The following CD44 variants were observed in gnomAD, a reference collection of about 807,000 sequenced individuals.
CD44 encodes the protein CD44 antigen.
In CD44, 49 loss-of-function variants were observed where a neutral mutation model predicts 88.8. That is an observed-to-expected ratio of 0.55 (90% CI 0.44 to 0.70). The LOEUF (loss-of-function observed/expected upper bound fraction) is 0.70, where lower values mean the gene tolerates loss of function less well. CD44 is among the 30% of genes least tolerant of loss of function. The pLI is 0.00. For missense variants in CD44, 883 were observed against 913.8 expected (o/e 0.97, Z 0.43); for synonymous variants, 325 against 312.3 (o/e 1.04, Z -0.43).
chr11:35,141,789 G>A (rs545262452), intron 1 of CD44, among the ~76,000 whole-genome samples: 132 of 152,272 alleles, frequency 8.7e-4, no homozygotes, highest in Non-Finnish European at 1.2e-3. Flanking sequence ...AAAGTTGTTT[G>A]GCAGGAACTG....
rs149664499 is a variant in CD44 at position 35,227,077 on chromosome 11, A to G, written c.2025-2052A>G. Among the ~76,000 whole-genome samples the G allele has an allele frequency of 4.6e-5, 7 of 151,980 alleles. No individual in the cohort carries two copies. In the East Asian group the frequency reaches 1.4e-3, roughly 29 times the overall value. On this transcript the variant is annotated intron_variant, in intron 17 of 17. Transcript: ENST00000428726. Reference sequence around the variant, plus strand: ...CGGCTAATTTTTGTATTTTTGGTAGAGATGGGGTTTCACCATGTTGGCCAG... The same window carrying G: ...CGGCTAATTTTTGTATTTTTGGTAGGGATGGGGTTTCACCATGTTGGCCAG...
chr11:35,201,931 T>A (rs1024452478), intron 9 of CD44, 144 bp downstream of exon 9: 8 of 912,272 alleles, frequency 8.8e-6, no homozygotes, highest in Non-Finnish European at 1.1e-5. Flanking sequence ...GAAAAGCTGC[T>A]AAACCCGCAC....
rs558645722 is a variant in CD44 at position 35,158,429 on chromosome 11, A to C, written c.68-18146A>C. ...TTATGTGGCCTTAAGCAGTTTACTT[A>C]ACTTTTCTGAGCCTCAATTTTCTCT... On this transcript the variant is annotated intron_variant, in intron 1 of 17. Transcript: ENST00000428726. Among the ~76,000 whole-genome samples, 7 of 152,322 alleles carry C rather than the reference A, an allele frequency of 4.6e-5. No homozygotes were observed. The South Asian group carries it at 1.5e-3, about 32-fold the overall frequency.
At position 35,168,182 on chromosome 11, in the gene CD44, C is replaced by T. The variant is rs116757703; in HGVS notation, c.68-8393C>T. 2.8e-3 allele frequency among the ~76,000 whole-genome samples: 427 copies of T among 152,276 alleles called. 2 individuals are homozygous for T. The highest frequency in any genetic ancestry group is 9.9e-3 in the African/African-American group (411 of 41,564). ...TAAGCTCAAATTCTTCTCTCTAGGG[C>T]TCTCTTTTCATGATCACCTCTCCAC... On this transcript the variant is annotated intron_variant, in intron 1 of 17. Coordinates refer to ENST00000428726, the MANE Select transcript of CD44 (RefSeq NM_000610.4).
chr11:35,198,081 T>C (rs747065666), intron 6 of CD44, 40 bp from the exon 7 acceptor site: 1 of 1,595,720 alleles, frequency 6.3e-7, no homozygotes, highest in South Asian at 1.1e-5. Context: ...GTGGGTTGCT[T>C]GGCGTCCAGC....
intron 1 of CD44, among the ~76,000 whole-genome samples, chr11:35,170,308 C>A (rs1230938755): frequency 1.3e-5 from 2 of 152,196 alleles, no homozygotes; most frequent in Non-Finnish European, 2.9e-5. Context: ...TTTGGCACTA[C>A]AGACCAGCTT....
chr11:35,228,163 G>A (rs1949839830), intron 17 of CD44, among the ~76,000 whole-genome samples: 1 of 152,138 alleles, frequency 6.6e-6, no homozygotes, highest in Admixed American at 6.5e-5. Context: ...GGCTGGGTGG[G>A]GTGAAGCAAT....
chr11:35,158,272 A>G (rs1280992618), intron 1 of CD44, among the ~76,000 whole-genome samples: 1 of 152,118 alleles, frequency 6.6e-6, no homozygotes, highest in Non-Finnish European at 1.5e-5. Flanking sequence ...GAGAAGGTTT[A>G]CTCCAGCCCA....
chr11:35,197,207 G>A, intron 6 of CD44: 1 of 178,594 alleles, frequency 5.6e-6, no homozygotes, highest in South Asian at 1.6e-4. Flanking sequence ...GTCATAAAAA[G>A]TCTTGGACTT....
At chr11:35,151,116 G>A (rs1860236985) in intron 1 of CD44, among the ~76,000 whole-genome samples, 1 of 152,190 alleles carries the variant, frequency 6.6e-6, no homozygotes, top group South Asian at 2.1e-4. Context: ...AAGATAGACA[G>A]AGAGAGGGGA....
At chr11:35,197,966 A>G (rs773888620) in intron 6 of CD44, 155 bp from the exon 7 acceptor site, 27 of 615,438 alleles carry the variant, frequency 4.4e-5, no homozygotes, top group Non-Finnish European at 6.7e-5. Context: ...AGCTTCGGAG[A>G]TCAGAACATA....
intron 1 of CD44, among the ~76,000 whole-genome samples, chr11:35,171,093 C>T (rs1042317978): frequency 6.6e-6 from 1 of 152,158 alleles, no homozygotes; most frequent in Non-Finnish European, 1.5e-5. Flanking sequence ...AATGAATGCA[C>T]AATAAATATT....
Position 35,206,216 on chromosome 11 carries a change from C to G in CD44, c.1387C>G (p.Arg463Gly), listed in dbSNP as rs749270293. ...FFNPISHPMG[R>G]GHQAGRRMDM... is the part of the protein sequence containing the mutation. Reference sequence around the variant, plus strand: ...CAACCCAATCTCACACCCCATGGGACGAGGTCATCAAGCAGGAAGAAGGAT... The same window carrying G: ...CAACCCAATCTCACACCCCATGGGAGGAGGTCATCAAGCAGGAAGAAGGAT... The change falls in exon 11 of 18, where the codon CGA becomes GGA. Residue 463 changes from arginine (R) to glycine (G), a missense_variant. Around this residue, in one of 2 missense-constraint regions of CD44, gnomAD observed 631 missense variants for 590.9 expected, o/e 1.07. Transcript: ENST00000428726. The G allele has an allele frequency of 6.2e-7, 1 of 1,610,256 alleles. No individual in the cohort carries two copies. The highest frequency in any genetic ancestry group is 8.5e-7 in the Non-Finnish European group (1 of 1,178,218).
intron 9 of CD44, among the ~76,000 whole-genome samples, chr11:35,202,122 G>T (rs922457751): frequency 6.6e-6 from 1 of 152,206 alleles, no homozygotes; most frequent in Admixed American, 6.5e-5. Context: ...GTGCTTAGTA[G>T]TGGAATCTGG....
At chr11:35,225,003 C>T (rs910313291) in intron 17 of CD44, among the ~76,000 whole-genome samples, 6 of 146,924 alleles carry the variant, frequency 4.1e-5, no homozygotes, top group African/African-American at 1.2e-4. Flanking sequence ...CACCCAACCT[C>T]GTCCTGCTGT....
At chr11:35,202,459 C>T (rs985982722) in intron 9 of CD44, among the ~76,000 whole-genome samples, 2 of 152,206 alleles carry the variant, frequency 1.3e-5, no homozygotes, top group Admixed American at 6.5e-5. Flanking sequence ...ACTCCCCAAA[C>T]ATAAGAAGTA....
intron 14 of CD44, among the ~76,000 whole-genome samples, chr11:35,211,674 ATGTGTGTGTGTGTG>A (rs57790931): frequency 7.4e-5 from 11 of 149,126 alleles, no homozygotes; most frequent in Admixed American, 6.0e-4. Flanking sequence ...CTGTGTTTGC[ATGTGTGTGTGTGTG>A]TGTGTGTGTG....
chr11:35,224,390 T>C (rs1949544551), intron 17 of CD44, among the ~76,000 whole-genome samples: 1 of 152,008 alleles, frequency 6.6e-6, no homozygotes, highest in Admixed American at 6.6e-5. Context: ...ATTTTAGGAG[T>C]CAGTTGGGTT....
chr11:35,198,110 C>G lies in CD44; in HGVS notation c.797-11C>G. On this transcript the variant is annotated splice_polypyrimidine_tract_variant and intron_variant, in intron 6 of 17. Transcript: ENST00000428726. ...GTCCAGCTCAGCCACTAATGCAAGT[C>G]ACCACAACAGGTACGTCTTCAAATA... The G allele has an allele frequency of 6.2e-7, 1 of 1,611,872 alleles. No homozygotes were observed. Among genetic ancestry groups the G allele is most frequent in the Non-Finnish European group, 8.5e-7 (1 of 1,178,454 alleles).
Sources: gnomAD v4.1 joint callset for allele counts (sites outside exome capture counted in the v4.1 genomes callset) on GRCh38, gnomAD v4.1.1 for gene constraint, gnomAD v4.1.1 regional missense constraint, MANE v1.5 for transcripts, NCBI Gene and HGNC (gene_info 2026-07-23, HGNC 2026-07-21) for gene names.